The following TBC1D13 variants were observed in gnomAD, a reference collection of about 807,000 sequenced individuals.
TBC1D13 encodes epididymis secretory sperm binding protein.
A neutral mutation model predicts 53.6 loss-of-function variants in TBC1D13; 40 were observed. The observed-to-expected ratio is 0.75, with a 90% confidence interval of 0.58 to 0.97. The LOEUF (loss-of-function observed/expected upper bound fraction) is 0.97. Among genes scored for constraint, TBC1D13 ranks in the 50% least tolerant of loss-of-function variants. TBC1D13 has a pLI of 0.00. For missense variants in TBC1D13, 377 were observed against 499.4 expected, an observed-to-expected ratio of 0.75 and a Z score of 2.34; for synonymous variants, 182 against 197.7, an observed-to-expected ratio of 0.92 and a Z score of 0.67.
intron 6 of TBC1D13, among the ~76,000 whole-genome samples, chr9:128,793,632 T>C (rs1278795301): frequency 6.6e-6 from 1 of 152,252 alleles, no homozygotes; most frequent in Non-Finnish European, 1.5e-5. Context: ...TACGTGGGAC[T>C]TAGCACTTAC....
At chr9:128,802,711 A>T (rs769382990) in intron 7 of TBC1D13, among the ~76,000 whole-genome samples, 2 of 151,056 alleles carry the variant, frequency 1.3e-5, no homozygotes, top group Non-Finnish European at 2.9e-5. Flanking sequence ...TCTGGCAAGA[A>T]CACATTGTCC....
In TBC1D13 at chr9:128,803,436, A is replaced by G. The variant is rs1829772713; in HGVS notation, c.730A>G (p.Thr244Ala). Reference protein sequence around the residue: ...IVGPLYYTFATDPNSEWKEHA... With the variant: ...IVGPLYYTFAADPNSEWKEHA... ...GGGGCCCCTCTACTACACCTTTGCC[A>G]CCGACCCCAATAGTGAGTGGAAAGG... The change falls in exon 8 of 12, where the codon ACC becomes GCC. Residue 244 changes from threonine (T) to alanine (A), a missense_variant. Transcript: ENST00000372648. The G allele has an allele frequency of 1.2e-6, 2 of 1,613,998 alleles. No individual in the cohort carries two copies. The highest frequency in any genetic ancestry group is 1.7e-6 in the Non-Finnish European group (2 of 1,180,038).
In TBC1D13 at chr9:128,792,473, T is replaced by A; in HGVS notation, c.301-19T>A. 6.2e-7 allele frequency: 1 copy of A among 1,613,270 alleles called. No homozygotes were observed. Among genetic ancestry groups the A allele is most frequent in the Non-Finnish European group, 8.5e-7 (1 of 1,179,356 alleles). The stretch of plus-strand genomic sequence containing the variant: ...GCCTAGCTGGGCCTTGGACAGAGCA[T>A]CTTCATTTCTCCCCACAGCCACTCA... On this transcript the variant is annotated intron_variant, in intron 5 of 11. Transcript: ENST00000372648.
In TBC1D13 at chr9:128,809,000, A is replaced by G. The variant is rs1829897384; in HGVS notation, c.*1121A>G. The G allele has an allele frequency of 6.6e-6, 1 of 152,068 alleles. No individual in the cohort carries two copies. The highest frequency in any genetic ancestry group is 1.5e-5 in the Non-Finnish European group (1 of 68,028). 9.4% of individuals were successfully genotyped at this position (152,068 alleles called of 1,614,324 possible). On this transcript the variant is annotated 3_prime_UTR_variant, in exon 12 of 12. Transcript: ENST00000372648. ...GATTCTGAGCCCAGGGTCGGAACCC[A>G]TTGCTTCAGAAGAGTTGTCATTCCC...
chr9:128,787,304 G>C lies in TBC1D13; in HGVS notation c.-50G>C. On this transcript the variant is annotated 5_prime_UTR_variant, in exon 1 of 12. Coordinates refer to ENST00000372648, the MANE Select transcript of TBC1D13 (RefSeq NM_018201.5). The stretch of plus-strand genomic sequence containing the variant: ...CGGCGGCGGCGGCGGCAGCGCAGGC[G>C]GCAGAGGCGCAGGCGGCGGAGGCGG... The C allele has an allele frequency of 8.0e-7, 1 of 1,256,208 alleles. No homozygotes were observed. The highest frequency in any genetic ancestry group is 1.0e-6 in the Non-Finnish European group (1 of 994,876). The allele number at this position is 1,256,208 out of a possible 1,614,324, so 77.8% of individuals were successfully genotyped here. A position where few individuals can be genotyped will look rare whatever the true frequency, so the allele number is the denominator to read the frequency against.
At chr9:128,804,180 C>A in intron 9 of TBC1D13, 61 bp downstream of exon 9, 1 of 1,581,662 alleles carries the variant, frequency 6.3e-7, no homozygotes, top group Non-Finnish European at 8.6e-7. Flanking sequence ...GCTGTGCCAT[C>A]CCAGCCCAGG....
At chr9:128,804,734 T>TTTTG (rs1829799824) in intron 9 of TBC1D13, among the ~76,000 whole-genome samples, 3 of 124,540 alleles carry the variant, frequency 2.4e-5, no homozygotes, top group Non-Finnish European at 3.3e-5. Flanking sequence ...TTTTTTTTTT[T>TTTTG]TTTTTTTTTT....
At chr9:128,806,106 C>A in intron 10 of TBC1D13, 87 bp downstream of exon 10, 1 of 1,581,430 alleles carries the variant, frequency 6.3e-7, no homozygotes, top group Non-Finnish European at 8.6e-7. Context: ...GAAGGGTGGG[C>A]AGGGCTGCTC....
In TBC1D13 at chr9:128,807,992, GC is replaced by G; in HGVS notation, c.*116del. 1 of 1,035,344 alleles carries G rather than the reference GC, an allele frequency of 9.7e-7. No individual in the cohort carries two copies. The allele number at this position is 1,035,344 out of a possible 1,614,324, so 64.1% of individuals were successfully genotyped here. A position where few individuals can be genotyped will look rare whatever the true frequency, so the allele number is the denominator to read the frequency against. The stretch of plus-strand genomic sequence containing the variant: ...AGCCTGAGGGGAAGCCACAGGATCG[GC>G]CCGAGACCCAGGCCATGCCCACTGG... On this transcript the variant is annotated 3_prime_UTR_variant, in exon 12 of 12. Transcript: ENST00000372648.
chr9:128,790,782 G>A lies in TBC1D13; in HGVS notation c.138+7G>A. 1 of 1,558,710 alleles carries A rather than the reference G, an allele frequency of 6.4e-7. No individual in the cohort carries two copies. The highest frequency in any genetic ancestry group is 2.2e-5 in the Admixed American group (1 of 45,266). On this transcript the variant is annotated splice_region_variant and intron_variant, in intron 3 of 11. Coordinates refer to ENST00000372648, the MANE Select transcript of TBC1D13 (RefSeq NM_018201.5). ...GCGGTGCCTCTGCTGGAAGGTGGGT[G>A]TGCCTGGGGTGGGGCTTCTGCTCTG... is the stretch of plus-strand genomic sequence containing the variant.
chr9:128,799,013 T>C (rs1447570398), intron 7 of TBC1D13, among the ~76,000 whole-genome samples: 2 of 152,146 alleles, frequency 1.3e-5, no homozygotes, highest in Non-Finnish European at 2.9e-5. Context: ...CACACCCAGC[T>C]GGAAATGACT....
chr9:128,808,228 T>A lies in TBC1D13; in HGVS notation c.*349T>A. The A allele has an allele frequency of 3.1e-6, 1 of 321,708 alleles. No homozygotes were observed. The highest frequency in any genetic ancestry group is 6.1e-6 in the Non-Finnish European group (1 of 164,208). 19.9% of individuals were successfully genotyped at this position (321,708 alleles called of 1,614,324 possible). A position where few individuals can be genotyped will look rare whatever the true frequency, so the allele number is the denominator to read the frequency against. On this transcript the variant is annotated 3_prime_UTR_variant, in exon 12 of 12. Coordinates refer to ENST00000372648, the MANE Select transcript of TBC1D13 (RefSeq NM_018201.5). ...GCCTCAGTTCCTGCTTCTGGTCTTC[T>A]CCTGGGCTCCACTCAGGGGAGGTGC... is the stretch of plus-strand genomic sequence containing the variant.
Position 128,788,325 on chromosome 9 carries a change from C to T in TBC1D13, c.24-9C>T, listed in dbSNP as rs1365706961. 1.9e-6 allele frequency: 3 copies of T among 1,613,956 alleles called. No individual in the cohort carries two copies. In the South Asian group the frequency reaches 3.3e-5, roughly 18 times the overall value. On this transcript the variant is annotated splice_polypyrimidine_tract_variant and intron_variant, in intron 1 of 11. Transcript: ENST00000372648. The stretch of plus-strand genomic sequence containing the variant: ...CATGCTTCATTTGCCGCCCTATCTC[C>T]CCTTCCAGAATTGCAGATTTCCAGG...
chr9:128,793,678 A>C (rs1176949326), intron 6 of TBC1D13, among the ~76,000 whole-genome samples: 1 of 152,206 alleles, frequency 6.6e-6, no homozygotes, highest in Non-Finnish European at 1.5e-5. Flanking sequence ...CCATCAGAGA[A>C]GGGTCCTGGG....
chr9:128,808,030 G>A lies in TBC1D13; in HGVS notation c.*151G>A, dbSNP rs896401429. Reference sequence around the variant, plus strand: ...GCCATGCCCACTGGGGACACACTGTGCCGTGCTCCTTCTGCCGCCACGCCC... The same window carrying A: ...GCCATGCCCACTGGGGACACACTGTACCGTGCTCCTTCTGCCGCCACGCCC... On this transcript the variant is annotated 3_prime_UTR_variant, in exon 12 of 12. Transcript: ENST00000372648. The A allele has an allele frequency of 1.6e-5, 11 of 705,912 alleles. No individual in the cohort carries two copies. The highest frequency in any genetic ancestry group is 2.5e-5 in the Non-Finnish European group (10 of 404,264). 43.7% of individuals were successfully genotyped at this position (705,912 alleles called of 1,614,324 possible).
rs1335374025 is a variant in TBC1D13, at chr9:128,808,239, A to C, written c.*360A>C. ...TGCTTCTGGTCTTCTCCTGGGCTCC[A>C]CTCAGGGGAGGTGCTTGGCCAATGG... On this transcript the variant is annotated 3_prime_UTR_variant, in exon 12 of 12. Transcript: ENST00000372648. 1.0e-5 allele frequency: 3 copies of C among 292,672 alleles called. No individual in the cohort carries two copies. The highest frequency in any genetic ancestry group is 2.1e-5 in the African/African-American group (1 of 47,356). The allele number at this position is 292,672 out of a possible 1,614,324, so 18.1% of individuals were successfully genotyped here. A position where few individuals can be genotyped will look rare whatever the true frequency, so the allele number is the denominator to read the frequency against.
chr9:128,803,868 G>A, intron 8 of TBC1D13, 88 bp from the exon 9 acceptor site: 1 of 1,541,926 alleles, frequency 6.5e-7, no homozygotes, highest in Non-Finnish European at 8.8e-7. Flanking sequence ...CAACTCGGCG[G>A]GGCTCAGAGC....
Position 128,797,075 on chromosome 9 carries a change from C to G in TBC1D13, c.404C>G (p.Ser135Cys). The stretch of plus-strand genomic sequence containing the variant: ...GACAGGAGGTTGTGCCCAGACATTT[C>G]CTTCTTCCAGAGGGCCACTGACTAC... ...KDVRRLCPDI[S>C]FFQRATDYPC... Residue 135 changes from serine to cysteine, a missense_variant, in exon 7 of 12, where the codon TCC becomes TGC. Transcript: ENST00000372648. The G allele has an allele frequency of 6.2e-7, 1 of 1,614,068 alleles. No homozygotes were observed. The highest frequency in any genetic ancestry group is 8.5e-7 in the Non-Finnish European group (1 of 1,179,986).
rs143422140 is a variant in TBC1D13 at position 128,807,850 on chromosome 9, A to C, written c.1174A>C (p.Lys392Gln). ...PITDVCQILQ[K>Q]AKELQDSK is the part of the protein sequence containing the mutation. ...CACAGATGTCTGCCAGATCCTGCAG[A>C]AAGCCAAGGAGCTCCAAGACTCAAA... The change falls in exon 12 of 12, where the codon AAA becomes CAA. Residue 392 changes from lysine to glutamine, a missense_variant. Coordinates refer to ENST00000372648, the MANE Select transcript of TBC1D13 (RefSeq NM_018201.5). 40 of 1,614,032 alleles carry C rather than the reference A, an allele frequency of 2.5e-5. No homozygotes were observed. The highest frequency in any genetic ancestry group is 1.6e-4 in the Middle Eastern group (1 of 6,084).
Sources: allele counts gnomAD v4.1 joint callset (sites outside exome capture counted in the v4.1 genomes callset), GRCh38; gene constraint gnomAD v4.1.1; transcripts MANE v1.5; gene names NCBI Gene and HGNC (gene_info 2026-07-23, HGNC 2026-07-21).